The following GFOD1 variants were observed in gnomAD, a reference collection of about 807,000 sequenced individuals.
The protein encoded by GFOD1 is glucose-fructose oxidoreductase domain-containing protein 1.
A neutral mutation model predicts 25.4 loss-of-function variants in GFOD1; 9 were observed. The ratio of observed to expected loss-of-function variants is 0.35; its 90% CI spans 0.21 to 0.62. GFOD1 has a LOEUF of 0.62. Ranked by LOEUF, GFOD1 falls within the 20% of genes least tolerant of loss-of-function variation. The pLI is 0.72. For synonymous variants in GFOD1, 253 were observed against 245.6 expected, an observed-to-expected ratio of 1.03 and a Z score of -0.28; for missense variants, 403 against 556.9, an observed-to-expected ratio of 0.72 and a Z score of 2.78.
chr6:13,384,217 C>A (rs1452414005), intron 1 of GFOD1, among the ~76,000 whole-genome samples: 1 of 152,214 alleles, frequency 6.6e-6, no homozygotes, highest in South Asian at 2.1e-4. Flanking sequence ...CAGAGTGAGA[C>A]TCCATCTCAA....
chr6:13,400,693 G>C (rs1785824404), intron 1 of GFOD1, among the ~76,000 whole-genome samples: 1 of 152,190 alleles, frequency 6.6e-6, no homozygotes. Context: ...TTGGACCCTA[G>C]TCAGACTCAT....
At chr6:13,386,554 C>T (rs1785480649) in intron 1 of GFOD1, among the ~76,000 whole-genome samples, 1 of 152,236 alleles carries the variant, frequency 6.6e-6, no homozygotes, top group African/African-American at 2.4e-5. Flanking sequence ...CCATCATTGG[C>T]TCCTGCACCA....
chr6:13,455,594 G>C (rs940170507), intron 1 of GFOD1, among the ~76,000 whole-genome samples: 2 of 152,148 alleles, frequency 1.3e-5, no homozygotes, highest in African/African-American at 4.8e-5. Context: ...CCCACCAGAC[G>C]CCCTGCTACT....
chr6:13,421,307 G>T (rs866001175), intron 1 of GFOD1, among the ~76,000 whole-genome samples: 1 of 151,956 alleles, frequency 6.6e-6, no homozygotes, highest in African/African-American at 2.4e-5. Flanking sequence ...GGGCAACACG[G>T]CAAGACCCCA....
intron 1 of GFOD1, among the ~76,000 whole-genome samples, chr6:13,382,352 G>A (rs921132955): frequency 2.0e-5 from 3 of 151,624 alleles, no homozygotes; most frequent in Non-Finnish European, 4.4e-5. Flanking sequence ...AATCATGGGG[G>A]GGGGGGTTCT....
At chr6:13,442,420 T>C (rs1425618716) in intron 1 of GFOD1, among the ~76,000 whole-genome samples, 1 of 152,236 alleles carries the variant, frequency 6.6e-6, no homozygotes, top group Non-Finnish European at 1.5e-5. Context: ...TTCAGACTTT[T>C]TCATTACTGG....
chr6:13,470,318 C>T (rs1758472154), intron 1 of GFOD1: 1 of 1,576,342 alleles, frequency 6.3e-7, no homozygotes, highest in Non-Finnish European at 8.6e-7. Context: ...TGCATTCAGG[C>T]AAGAATGTGC....
chr6:13,438,560 T>A (rs1165841256), intron 1 of GFOD1, among the ~76,000 whole-genome samples: 3 of 152,134 alleles, frequency 2.0e-5, no homozygotes, highest in Non-Finnish European at 4.4e-5. Flanking sequence ...TCTCAATTAG[T>A]AATATATTAA....
chr6:13,428,317 C>T (rs960293506), intron 1 of GFOD1, among the ~76,000 whole-genome samples: 5 of 152,156 alleles, frequency 3.3e-5, no homozygotes, highest in Admixed American at 2.0e-4. Context: ...TGACAAGCCA[C>T]GAGCCTCACT....
At chr6:13,397,462 C>T (rs1785755623) in intron 1 of GFOD1, among the ~76,000 whole-genome samples, 1 of 152,226 alleles carries the variant, frequency 6.6e-6, no homozygotes, top group Non-Finnish European at 1.5e-5. Context: ...TTTTCACTTC[C>T]TCTTTCACCT....
At position 13,359,940 on chromosome 6, in the gene GFOD1, T is replaced by G. The variant is rs1445101372; in HGVS notation, c.*4803A>C. On this transcript the variant is annotated 3_prime_UTR_variant, in exon 2 of 2. Coordinates refer to ENST00000379287, the MANE Select transcript of GFOD1 (RefSeq NM_018988.4). ...CAGCCTGGGTGACAGAGTAAGACTC[T>G]GTCTCAAAAAAAAAAAAAAAAGGAT... The G allele has an allele frequency of 7.1e-6, 1 of 140,116 alleles. No individual in the cohort carries two copies. The highest frequency in any genetic ancestry group is 1.5e-5 in the Non-Finnish European group (1 of 67,480). 8.7% of individuals were successfully genotyped at this position (140,116 alleles called of 1,614,324 possible).
chr6:13,377,018 G>T (rs367714609), intron 1 of GFOD1, among the ~76,000 whole-genome samples: 11 of 139,962 alleles, frequency 7.9e-5, no homozygotes, highest in Admixed American at 6.5e-4. Flanking sequence ...CAGCAGATAT[G>T]TTTTTTTTTT....
At chr6:13,470,246 G>A (rs768648754) in intron 1 of GFOD1, 14 of 1,595,186 alleles carry the variant, frequency 8.8e-6, no homozygotes, top group Middle Eastern at 1.7e-4. Flanking sequence ...GGCAATTGCC[G>A]GCTCATGAAG....
intron 1 of GFOD1, among the ~76,000 whole-genome samples, chr6:13,421,164 G>A (rs73366948): frequency 0.062 from 9,483 of 152,126 alleles, 373 homozygotes; most frequent in Middle Eastern, 0.12. Flanking sequence ...TTTTCTGTTG[G>A]TGTTATCACA....
intron 1 of GFOD1, among the ~76,000 whole-genome samples, chr6:13,366,559 C>T (rs558649890): frequency 9.9e-5 from 15 of 152,280 alleles, no homozygotes; most frequent in Admixed American, 3.3e-4. Flanking sequence ...TAGTCTGGAA[C>T]TCCTGACCTC....
chr6:13,369,255 G>A (rs564369144), intron 1 of GFOD1, among the ~76,000 whole-genome samples: 8 of 152,288 alleles, frequency 5.3e-5, no homozygotes, highest in African/African-American at 1.2e-4. Context: ...GATGGGTCTC[G>A]GCAACATCTT....
At chr6:13,475,983 G>A (rs1348728707) in intron 1 of GFOD1, among the ~76,000 whole-genome samples, 1 of 152,224 alleles carries the variant, frequency 6.6e-6, no homozygotes, top group East Asian at 1.9e-4. Flanking sequence ...ACTCTCCTAT[G>A]TTGCTAGTGG....
intron 1 of GFOD1, among the ~76,000 whole-genome samples, chr6:13,380,243 CAG>C (rs1183348058): frequency 6.6e-6 from 1 of 152,218 alleles, no homozygotes; most frequent in Non-Finnish European, 1.5e-5. Context: ...GTCTGTGAAA[CAG>C]AGCTGATATC....
intron 1 of GFOD1, among the ~76,000 whole-genome samples, chr6:13,447,745 A>C (rs1291739192): frequency 7.9e-6 from 1 of 126,372 alleles, no homozygotes; most frequent in Non-Finnish European, 1.6e-5. Flanking sequence ...CTTCTCAAAA[A>C]AAAAAAAAAA....
Sources: allele counts gnomAD v4.1 joint callset (sites outside exome capture counted in the v4.1 genomes callset), GRCh38; gene constraint gnomAD v4.1.1; transcripts MANE v1.5; gene names NCBI Gene and HGNC (gene_info 2026-07-23, HGNC 2026-07-21).